FLT4: variants seen among roughly 807,000 people sequenced by gnomAD.
The protein encoded by FLT4 is fms related receptor tyrosine kinase 4, also known as vascular endothelial growth factor receptor 3.
A neutral mutation model predicts 163.2 loss-of-function variants in FLT4; 30 were observed. The ratio of observed to expected loss-of-function variants is 0.18; its 90% CI spans 0.14 to 0.25. The LOEUF is 0.25. FLT4 is among the 10% of genes least tolerant of loss of function. The pLI, the probability that FLT4 is intolerant of heterozygous loss-of-function variation, is 1.00. For synonymous variants in FLT4, 884 were observed against 789.5 expected, an observed-to-expected ratio of 1.12 and a Z score of -2.01; for missense variants, 1,510 against 1,863.8, an observed-to-expected ratio of 0.81 and a Z score of 3.50.
At chr5:180,627,015 T>A (rs1387930274) in intron 8 of FLT4, among the ~76,000 whole-genome samples, 1 of 152,218 alleles carries the variant, frequency 6.6e-6, no homozygotes, top group African/African-American at 2.4e-5. Context: ...ACGAGGGCAG[T>A]GCTGCCTCCT....
At position 180,630,073 on chromosome 5, in the gene FLT4, C is replaced by T. The variant is rs1325897547; in HGVS notation, c.546G>A (p.Glu182=). The change falls in exon 5 of 30, where the codon GAG becomes GAA. Residue 182 remains glutamate, a synonymous_variant. Coordinates refer to ENST00000261937, the MANE Select transcript of FLT4 (RefSeq NM_182925.5). This position sits in a 1 kb window ranked among gnomAD's most constrained non-coding sequence, Gnocchi z 6.3. ...TGCCCCGCCGGTCATCCCACACCAC[C>T]TCCTGCCCGTCTGGCCACAGCACCG... is the stretch of plus-strand genomic sequence containing the variant. ...QSSVLWPDGQ[E]VVWDDRRGML... 2.2e-5 allele frequency: 36 copies of T among 1,612,696 alleles called. No homozygotes were observed. The highest frequency in any genetic ancestry group is 3.0e-5 in the Non-Finnish European group (35 of 1,180,032).
chr5:180,634,612 G>A (rs1764411098), intron 1 of FLT4, among the ~76,000 whole-genome samples: 1 of 148,490 alleles, frequency 6.7e-6, no homozygotes, highest in South Asian at 2.1e-4. Flanking sequence ...GGAGAATGGC[G>A]TGAAGCCGGG....
chr5:180,616,332 C>T, intron 23 of FLT4, 35 bp downstream of exon 23: 1 of 1,613,560 alleles, frequency 6.2e-7, no homozygotes, highest in Non-Finnish European at 8.5e-7. Context: ...ACCTGTTCCG[C>T]CCCACGTTCC....
Position 180,619,723 on chromosome 5 carries a change from G to C in FLT4, c.2589C>G (p.Ser863=), listed in dbSNP as rs1385657991. The C allele has an allele frequency of 6.2e-7, 1 of 1,612,616 alleles. No individual in the cohort carries two copies. ...TGCTGCCCTTGTGGATGCCGAAAGCGGAGGCTTCCACCACCTTCCCGAAGG... is the reference window on the plus strand; with the variant it reads ...TGCTGCCCTTGTGGATGCCGAAAGCCGAGGCTTCCACCACCTTCCCGAAGG... ...YGAFGKVVEA[S]AFGIHKGSSC... The change falls in exon 18 of 30, where the codon TCC becomes TCG. Residue 863 remains serine, a synonymous_variant. Coordinates refer to ENST00000261937, the MANE Select transcript of FLT4 (RefSeq NM_182925.5).
In FLT4 at chr5:180,603,363, A is replaced by G; in HGVS notation, c.3921T>C (p.Ala1307=). The change falls in exon 30 of 30, where the codon GCT becomes GCC. Residue 1307 remains alanine, a synonymous_variant. Coordinates refer to ENST00000261937, the MANE Select transcript of FLT4 (RefSeq NM_182925.5). ...GGGAGTCAGGGTGTGCCCTGGTCAC[A>G]GCCACATTCTGGCCAGGTCCTTTAC... ...FSCKGPGQNV[A]VTRAHPDSQG... The G allele has an allele frequency of 6.2e-7, 1 of 1,614,094 alleles. No homozygotes were observed. Among genetic ancestry groups the G allele is most frequent in the South Asian group, 1.1e-5 (1 of 91,044 alleles).
chr5:180,603,344 CAG>C lies in FLT4; in HGVS notation c.3938_3939del (p.Pro1313ArgfsTer10). Reference protein sequence around the residue: ...GQNVAVTRAHPDSQGRRRRPE... With the variant: ...GQNVAVTRAHXDSQGRRRRPE... ...GGCCGCCGCCGCCTCCCTTGGGAGT[CAG>C]GGTGTGCCCTGGTCACAGCCACATT... is the stretch of plus-strand genomic sequence containing the variant. On this transcript the variant is annotated frameshift_variant, in exon 30 of 30. Coordinates refer to ENST00000261937, the MANE Select transcript of FLT4 (RefSeq NM_182925.5). LOFTEE classifies it low-confidence loss of function (END_TRUNC). 6.2e-7 allele frequency: 1 copy of C among 1,614,082 alleles called. No homozygotes were observed. Among genetic ancestry groups the C allele is most frequent in the Non-Finnish European group, 8.5e-7 (1 of 1,179,996 alleles).
At chr5:180,614,306 C>A (rs1762459051) in intron 23 of FLT4, 127 bp from the exon 24 acceptor site, 1 of 635,232 alleles carries the variant, frequency 1.6e-6, no homozygotes. Flanking sequence ...GGAAGCGTGT[C>A]CCGTGGTGGA....
intron 12 of FLT4, among the ~76,000 whole-genome samples, chr5:180,622,324 C>A (rs1235529221): frequency 6.7e-6 from 1 of 149,726 alleles, no homozygotes; most frequent in South Asian, 2.1e-4. Flanking sequence ...ATTCTGGGAC[C>A]CAGTGACGTC....
Position 180,628,985 on chromosome 5 carries a change from T to C in FLT4, c.1000A>G (p.Ser334Gly). ...ATGGGTCCTTTGAGCCACTCGACGC[T>C]GATGAAGGGATTTTCTGCCGGACAG... ...EVIVHENPFI[S>G]VEWLKGPILE... Residue 334 changes from serine to glycine, a missense_variant, in exon 8 of 30, where the codon AGC becomes GGC. Coordinates refer to ENST00000261937, the MANE Select transcript of FLT4 (RefSeq NM_182925.5). The C allele has an allele frequency of 6.2e-7, 1 of 1,612,404 alleles. No homozygotes were observed. The highest frequency in any genetic ancestry group is 8.5e-7 in the Non-Finnish European group (1 of 1,179,632).
At chr5:180,628,150 G>C (rs1445889718) in intron 8 of FLT4, among the ~76,000 whole-genome samples, 1 of 152,212 alleles carries the variant, frequency 6.6e-6, no homozygotes, top group African/African-American at 2.4e-5. Flanking sequence ...CGATCAGTTA[G>C]GAATACCCTT....
At chr5:180,634,744 GGGAT>G (rs1168920628) in intron 1 of FLT4, among the ~76,000 whole-genome samples, 3 of 128,146 alleles carry the variant, frequency 2.3e-5, no homozygotes, top group African/African-American at 9.0e-5. Flanking sequence ...GGATGGAAAC[GGGAT>G]GGATGAATGA....
At chr5:180,606,194 TTC>T (rs1426540337) in intron 29 of FLT4, among the ~76,000 whole-genome samples, 3 of 152,234 alleles carry the variant, frequency 2.0e-5, no homozygotes, top group Non-Finnish European at 2.9e-5. Flanking sequence ...ATGTGTCTTC[TTC>T]TGACTTCTGG....
intron 28 of FLT4, 191 bp downstream of exon 28, chr5:180,609,714 G>C (rs990695828): frequency 7.5e-6 from 5 of 670,448 alleles, no homozygotes; most frequent in Admixed American, 2.2e-5. Flanking sequence ...CGAGGGCATA[G>C]GACAGAAAGC....
intron 21 of FLT4, among the ~76,000 whole-genome samples, chr5:180,618,512 G>A (rs561535570): frequency 6.6e-6 from 1 of 152,182 alleles, no homozygotes; most frequent in African/African-American, 2.4e-5. Context: ...TGCTCTGTGG[G>A]GGCCGGGCAC....
intron 1 of FLT4, among the ~76,000 whole-genome samples, chr5:180,641,477 G>A (rs1201474557): frequency 6.6e-6 from 1 of 152,210 alleles, no homozygotes; most frequent in Non-Finnish European, 1.5e-5. Flanking sequence ...CACACTTTCT[G>A]GGCAGCTGAG....
chr5:180,613,331 T>G (rs1762358174), intron 24 of FLT4: 1 of 494,064 alleles, frequency 2.0e-6, no homozygotes. Context: ...AAAAGAGGAC[T>G]GTGCCGCCTG....
Position 180,630,369 on chromosome 5 carries a change from G to A in FLT4, c.401-32C>T, listed in dbSNP as rs748318036. ...AGAGGGAGCAAGCTGTTGGGGAAGG[G>A]ACGTGGCGGCCAGGCTGGGGGAGGG... On this transcript the variant is annotated intron_variant, in intron 3 of 29. Coordinates refer to ENST00000261937, the MANE Select transcript of FLT4 (RefSeq NM_182925.5). This position sits in a 1 kb window ranked among gnomAD's most constrained non-coding sequence, Gnocchi z 6.3. 31 of 1,592,370 alleles carry A rather than the reference G, an allele frequency of 1.9e-5. No homozygotes were observed. The highest frequency in any genetic ancestry group is 3.3e-5 in the South Asian group (3 of 90,828).
chr5:180,629,064 C>T, intron 7 of FLT4, 65 bp from the exon 8 acceptor site: 2 of 1,486,672 alleles, frequency 1.3e-6, no homozygotes, highest in Non-Finnish European at 1.9e-6. Flanking sequence ...CAGGGACTCC[C>T]CCCACGGCCC....
rs1027925169 is a variant in FLT4 at position 180,603,052 on chromosome 5, T to A, written c.*140A>T. The stretch of plus-strand genomic sequence containing the variant: ...GGCCTGGAGTCCTGCTCTTCCTAGC[T>A]GGGAAGTCTGCAGAGAGGGAAGAGG... On this transcript the variant is annotated 3_prime_UTR_variant, in exon 30 of 30. Transcript: ENST00000261937. 8.4e-6 allele frequency: 7 copies of A among 835,908 alleles called. No individual in the cohort carries two copies. Among genetic ancestry groups the A allele is most frequent in the Non-Finnish European group, 1.4e-5 (7 of 510,546 alleles). The allele number at this position is 835,908 out of a possible 1,614,324, so 51.8% of individuals were successfully genotyped here. A position where few individuals can be genotyped will look rare whatever the true frequency, so the allele number is the denominator to read the frequency against.
Sources: allele counts gnomAD v4.1 joint callset (sites outside exome capture counted in the v4.1 genomes callset), GRCh38; gene constraint gnomAD v4.1.1; non-coding constraint Gnocchi (gnomAD v3.1); transcripts MANE v1.5; gene names NCBI Gene and HGNC (gene_info 2026-07-23, HGNC 2026-07-21).